AGPAT4: variants seen among roughly 807,000 people sequenced by gnomAD.
AGPAT4 encodes the protein 1-acylglycerol-3-phosphate O-acyltransferase 4.
A neutral mutation model predicts 48.0 loss-of-function variants in AGPAT4; 15 were observed. The observed-to-expected ratio is 0.31, with a 90% confidence interval of 0.21 to 0.48. The LOEUF (loss-of-function observed/expected upper bound fraction) is 0.48. Among genes scored for constraint, AGPAT4 ranks in the 20% least tolerant of loss-of-function variants. The pLI, the probability that AGPAT4 is intolerant of heterozygous loss-of-function variation, is 0.99. For synonymous variants in AGPAT4, 178 were observed against 198.7 expected, an observed-to-expected ratio of 0.90 and a Z score of 0.88; for missense variants, 314 against 482.5, an observed-to-expected ratio of 0.65 and a Z score of 3.27.
intron 2 of AGPAT4, among the ~76,000 whole-genome samples, chr6:161,182,277 C>T (rs555579759): frequency 6.7e-6 from 1 of 150,082 alleles, no homozygotes; most frequent in South Asian, 2.1e-4. Flanking sequence ...ACCCTCATCC[C>T]AGCACCTCAT....
rs1243933188 is a variant in AGPAT4 at position 161,242,968 on chromosome 6, C to T, written c.-89-10666G>A. On this transcript the variant is annotated intron_variant, in intron 1 of 8. Coordinates refer to ENST00000320285, the MANE Select transcript of AGPAT4 (RefSeq NM_020133.3). The surrounding 1 kb of genome is among the most constrained non-coding windows in gnomAD (Gnocchi z 5.0). ...CTCCCAGCTACTCGGGAGACTGAAGCAGGAGAATTGATTGAACCCAGGAGG... is the reference window on the plus strand; with the variant it reads ...CTCCCAGCTACTCGGGAGACTGAAGTAGGAGAATTGATTGAACCCAGGAGG... Among the ~76,000 whole-genome samples the T allele has an allele frequency of 6.6e-6, 1 of 151,950 alleles. No individual in the cohort carries two copies. The highest frequency in any genetic ancestry group is 1.9e-4 in the East Asian group (1 of 5,180).
At chr6:161,163,183 T>C (rs1779985215) in intron 3 of AGPAT4, among the ~76,000 whole-genome samples, 1 of 152,256 alleles carries the variant, frequency 6.6e-6, no homozygotes, top group South Asian at 2.1e-4. Context: ...AAGACCAATT[T>C]TACATTTAAA....
intron 3 of AGPAT4, chr6:161,160,503 TGGG>T (rs1779896873): frequency 6.1e-6 from 1 of 163,350 alleles, no homozygotes; most frequent in African/African-American, 2.4e-5. Context: ...TTTATCCACG[TGGG>T]ACAGAGTACG....
rs937664072 is a variant in AGPAT4 at position 161,264,559 on chromosome 6, C to T, written c.-90+9379G>A. 3.9e-5 allele frequency among the ~76,000 whole-genome samples: 6 copies of T among 152,196 alleles called. No individual in the cohort carries two copies. In the South Asian group the frequency reaches 6.2e-4, roughly 16 times the overall value. ...TGAGGTGGTCCCCCTGGCGTGCCCG[C>T]GCATCCCTGCCCTGCAAGTCTTATC... On this transcript the variant is annotated intron_variant, in intron 1 of 8. Coordinates refer to ENST00000320285, the MANE Select transcript of AGPAT4 (RefSeq NM_020133.3). This position sits in a 1 kb window ranked among gnomAD's most constrained non-coding sequence, Gnocchi z 6.8.
rs374423171 is a variant in AGPAT4, at chr6:161,136,519, G to T, written c.*21C>A. 1 of 1,609,702 alleles carries T rather than the reference G, an allele frequency of 6.2e-7. No homozygotes were observed. The highest frequency in any genetic ancestry group is 1.1e-5 in the South Asian group (1 of 91,000). On this transcript the variant is annotated 3_prime_UTR_variant, in exon 9 of 9. Coordinates refer to ENST00000320285, the MANE Select transcript of AGPAT4 (RefSeq NM_020133.3). ...CCACCAGTTCCCCAAGGTTCCCTTCGGATGGTGACACCTCCCTGAGTCAGT... is the reference window on the plus strand; with the variant it reads ...CCACCAGTTCCCCAAGGTTCCCTTCTGATGGTGACACCTCCCTGAGTCAGT...
chr6:161,179,762 C>G (rs916869437), intron 2 of AGPAT4, among the ~76,000 whole-genome samples: 14 of 152,146 alleles, frequency 9.2e-5, no homozygotes, highest in African/African-American at 3.4e-4. Context: ...CATACATTTT[C>G]TCTTTTTGAT....
chr6:161,258,931 G>T (rs2114746355), intron 1 of AGPAT4, among the ~76,000 whole-genome samples: 1 of 152,026 alleles, frequency 6.6e-6, no homozygotes, highest in East Asian at 1.9e-4. Context: ...CAAGTAGCTG[G>T]GATTACAGGC....
At position 161,229,798 on chromosome 6, in the gene AGPAT4, C is replaced by T. The variant is rs544995275; in HGVS notation, c.178+2238G>A. ...TTGTTTAAAAATGCTTCCACTATCG[C>T]TTGGCCCAAAGCCCTAGGAAGCCTT... is the stretch of plus-strand genomic sequence containing the variant. On this transcript the variant is annotated intron_variant, in intron 2 of 8. Coordinates refer to ENST00000320285, the MANE Select transcript of AGPAT4 (RefSeq NM_020133.3). This position sits in a 1 kb window ranked among gnomAD's most constrained non-coding sequence, Gnocchi z 6.0. 3.4e-3 allele frequency among the ~76,000 whole-genome samples: 521 copies of T among 152,246 alleles called. 3 individuals are homozygous for T. Among genetic ancestry groups the T allele is most frequent in the Middle Eastern group, 0.01 (3 of 294 alleles).
rs1435687920 is a variant in AGPAT4 at position 161,142,820 on chromosome 6, G to C, written c.844-3200C>G. On this transcript the variant is annotated intron_variant, in intron 7 of 8. Transcript: ENST00000320285. The surrounding 1 kb of genome is among the most constrained non-coding windows in gnomAD (Gnocchi z 6.4). ...CCCGCAGACACCACCCGAGTGCACG[G>C]CCAGGACTTGCAAAGGACTTACCAT... Among the ~76,000 whole-genome samples, 2 of 152,206 alleles carry C rather than the reference G, an allele frequency of 1.3e-5. No individual in the cohort carries two copies. The highest frequency in any genetic ancestry group is 2.9e-5 in the Non-Finnish European group (2 of 68,036).
chr6:161,153,911 C>CCA (rs1779678842), intron 4 of AGPAT4, among the ~76,000 whole-genome samples: 3 of 151,514 alleles, frequency 2.0e-5, no homozygotes, highest in African/African-American at 7.3e-5. Flanking sequence ...ACACACAGCC[C>CCA]TGGGGTCACA....
rs1031438531 is a variant in AGPAT4 at position 161,267,133 on chromosome 6, C to T, written c.-90+6805G>A. ...CAGTCAAGTTCAATCCTGGGTTACA[C>T]ATTGGTTTTGAGAAGAGTTCATCTT... On this transcript the variant is annotated intron_variant, in intron 1 of 8. Transcript: ENST00000320285. This position sits in a 1 kb window ranked among gnomAD's most constrained non-coding sequence, Gnocchi z 5.2. 2.6e-5 allele frequency among the ~76,000 whole-genome samples: 4 copies of T among 152,176 alleles called. No homozygotes were observed. The highest frequency in any genetic ancestry group is 9.6e-5 in the African/African-American group (4 of 41,454).
At position 161,146,569 on chromosome 6, in the gene AGPAT4, G is replaced by A. The variant is rs16892215; in HGVS notation, c.798C>T (p.Asp266=). The change falls in exon 7 of 9, where the codon GAC becomes GAT. Residue 266 remains aspartate, a synonymous_variant. Transcript: ENST00000320285. This position sits in a 1 kb window ranked among gnomAD's most constrained non-coding sequence, Gnocchi z 7.1. The part of the protein sequence containing the change: ...RRIPLEDIPE[D]DDECSAWLHK... ...GCAGCCAGGCCGAGCACTCGTCATC[G>A]TCTTCAGGGATGTCTTCCAGTGGGA... 5,628 of 1,614,084 alleles carry A rather than the reference G, an allele frequency of 3.5e-3. 157 individuals carry two copies. The African/African-American group carries it at 0.06, about 17-fold the overall frequency.
chr6:161,139,669 C>A lies in AGPAT4; in HGVS notation c.844-49G>T. On this transcript the variant is annotated intron_variant, in intron 7 of 8. Transcript: ENST00000320285. This position sits in a 1 kb window ranked among gnomAD's most constrained non-coding sequence, Gnocchi z 9.1. The stretch of plus-strand genomic sequence containing the variant: ...TCAGACGCCACACGGGGCTCGGTGG[C>A]AGGTCCCTCCCGAGGCCCTGCTTCC... 1.3e-6 allele frequency: 2 copies of A among 1,502,972 alleles called. No individual in the cohort carries two copies. The highest frequency in any genetic ancestry group is 1.8e-6 in the Non-Finnish European group (2 of 1,108,672). The allele number at this position is 1,502,972 out of a possible 1,614,324, so 93.1% of individuals were successfully genotyped here.
In AGPAT4 at chr6:161,184,509, T is replaced by G. The variant is rs1780709517; in HGVS notation, c.179-18092A>C. Among the ~76,000 whole-genome samples, 1 of 151,936 alleles carries G rather than the reference T, an allele frequency of 6.6e-6. No homozygotes were observed. Among genetic ancestry groups the G allele is most frequent in the African/African-American group, 2.4e-5 (1 of 41,322 alleles). On this transcript the variant is annotated intron_variant, in intron 2 of 8. Coordinates refer to ENST00000320285, the MANE Select transcript of AGPAT4 (RefSeq NM_020133.3). The surrounding 1 kb of genome is among the most constrained non-coding windows in gnomAD (Gnocchi z 4.8). Reference sequence around the variant, plus strand: ...TTTGAACACATCAGTCATCCTTGGCTTAGTGGTAGGTTCTCGTGATGTTCT... The same window carrying G: ...TTTGAACACATCAGTCATCCTTGGCGTAGTGGTAGGTTCTCGTGATGTTCT...
rs986175838 is a variant in AGPAT4 at position 161,264,272 on chromosome 6, C to A, written c.-90+9666G>T. Among the ~76,000 whole-genome samples the A allele has an allele frequency of 6.6e-6, 1 of 152,172 alleles. No individual in the cohort carries two copies. The highest frequency in any genetic ancestry group is 1.5e-5 in the Non-Finnish European group (1 of 68,030). ...CCTCCTGGCTTTCAGACCTGTGCCT[C>A]TTCTGGGCCTCCCCTCCCAGAGCTG... On this transcript the variant is annotated intron_variant, in intron 1 of 8. Transcript: ENST00000320285. The surrounding 1 kb of genome is among the most constrained non-coding windows in gnomAD (Gnocchi z 6.8).
Position 161,219,916 on chromosome 6 carries a change from C to CAGGCA in AGPAT4, c.178+12119_178+12120insTGCCT, listed in dbSNP as rs770490075. Among the ~76,000 whole-genome samples, 7 of 106,042 alleles carry CAGGCA rather than the reference C, an allele frequency of 6.6e-5. No individual in the cohort carries two copies. In the East Asian group the frequency reaches 8.3e-4, roughly 13 times the overall value. The allele number at this position is 106,042 out of a possible 152,430, so 69.6% of individuals were successfully genotyped here. A position where few individuals can be genotyped will look rare whatever the true frequency, so the allele number is the denominator to read the frequency against. ...GCAGGCAGGCAGGCAGGCAGGCAGG[C>CAGGCA]GGCAGGCAGGCAGGCAGGCAGGCAG... On this transcript the variant is annotated intron_variant, in intron 2 of 8. Transcript: ENST00000320285. The surrounding 1 kb of genome is among the most constrained non-coding windows in gnomAD (Gnocchi z 4.9).
chr6:161,136,589 T>G lies in AGPAT4; in HGVS notation c.1088A>C (p.Lys363Thr). 3.1e-6 allele frequency: 5 copies of G among 1,614,220 alleles called. No homozygotes were observed. Among genetic ancestry groups the G allele is most frequent in the Non-Finnish European group, 4.2e-6 (5 of 1,180,044 alleles). ...RWMIGVTEIDKGSAYGNSDSK... is the reference protein window; with the variant it reads ...RWMIGVTEIDTGSAYGNSDSK... ...GTCAGAGTTGCCGTAGGCAGAGCCC[T>G]TGTCAATTTCCGTCACACCAATCAT... is the stretch of plus-strand genomic sequence containing the variant. Residue 363 changes from lysine to threonine, a missense_variant, in exon 9 of 9, where the codon AAG (lysine) becomes ACG (threonine). Lys to Thr is a moderately conservative substitution (Grantham distance 78, BLOSUM62 -1). Coordinates refer to ENST00000320285, the MANE Select transcript of AGPAT4 (RefSeq NM_020133.3).
At chr6:161,252,888 T>C (rs1371122053) in intron 1 of AGPAT4, among the ~76,000 whole-genome samples, 1 of 151,964 alleles carries the variant, frequency 6.6e-6, no homozygotes, top group Non-Finnish European at 1.5e-5. Context: ...GTGTGTTTAG[T>C]GACACAAAGA....
At chr6:161,260,493 C>G (rs183650203) in intron 1 of AGPAT4, among the ~76,000 whole-genome samples, 232 of 151,676 alleles carry the variant, frequency 1.5e-3, no homozygotes, top group African/African-American at 5.2e-3. Context: ...AACCCCATCT[C>G]TACTAAAAAT....
Sources: gnomAD v4.1 joint callset for allele counts (sites outside exome capture counted in the v4.1 genomes callset) on GRCh38, gnomAD v4.1.1 for gene constraint, Gnocchi (gnomAD v3.1) non-coding constraint, MANE v1.5 for transcripts, NCBI Gene and HGNC (gene_info 2026-07-23, HGNC 2026-07-21) for gene names.